Variants in MINDY4 observed in about 807,000 individuals in gnomAD.
The protein encoded by MINDY4 is probable ubiquitin carboxyl-terminal hydrolase MINDY-4.
Under a neutral mutation model 87.0 loss-of-function variants are expected in MINDY4, and 68 were observed. That is an observed-to-expected ratio of 0.78 (90% CI 0.64 to 0.96). MINDY4 has a LOEUF of 0.96. MINDY4 is among the 40% of genes least tolerant of loss of function. MINDY4 has a pLI of 0.00. For missense variants in MINDY4, 919 were observed against 928.2 expected, an observed-to-expected ratio of 0.99 and a Z score of 0.13; for synonymous variants, 379 against 363.2, an observed-to-expected ratio of 1.04 and a Z score of -0.50.
At chr7:30,818,018 A>C (rs1788210201) in intron 5 of MINDY4, among the ~76,000 whole-genome samples, 1 of 152,116 alleles carries the variant, frequency 6.6e-6, no homozygotes. Context: ...GGACATCCTC[A>C]TCTTGTTACT....
At chr7:30,793,357 T>A (rs1163136204) in intron 5 of MINDY4, among the ~76,000 whole-genome samples, 1 of 150,804 alleles carries the variant, frequency 6.6e-6, no homozygotes, top group African/African-American at 2.4e-5. Flanking sequence ...CCTTTAGTAT[T>A]TTTTTTTAGC....
At chr7:30,848,885 G>A (rs1436670209) in intron 9 of MINDY4, among the ~76,000 whole-genome samples, 1 of 152,162 alleles carries the variant, frequency 6.6e-6, no homozygotes, top group Non-Finnish European at 1.5e-5. Context: ...CATGGCCCAA[G>A]TGGGGACTTA....
At chr7:30,834,184 T>C (rs568049778) in intron 6 of MINDY4, among the ~76,000 whole-genome samples, 2 of 152,380 alleles carry the variant, frequency 1.3e-5, no homozygotes, top group East Asian at 1.9e-4. Flanking sequence ...GCAGAGGTTC[T>C]CCATGAGGGC....
In MINDY4 at chr7:30,840,840, CTG is replaced by C. The variant is rs757222997; in HGVS notation, c.1440_1441del (p.Ala481SerfsTer66). ...LLFEGDSKADCAQGLQPSDAH... is the reference protein window; with the variant it reads ...LLFEGDSKADXAQGLQPSDAH... ...TGTTTGAAGGAGATAGCAAAGCCGA[CTG>C]TGCTCAGTAAGTCAGTGCTCTTTCT... On this transcript the variant is annotated frameshift_variant, in exon 9 of 18. Coordinates refer to ENST00000265299, the MANE Select transcript of MINDY4 (RefSeq NM_032222.3). LOFTEE classifies it high-confidence loss of function. 6 of 1,614,018 alleles carry C rather than the reference CTG, an allele frequency of 3.7e-6. No individual in the cohort carries two copies. The highest frequency in any genetic ancestry group is 5.1e-6 in the Non-Finnish European group (6 of 1,179,872).
At chr7:30,785,647 T>G in intron 3 of MINDY4, 102 bp from the exon 4 acceptor site, 1 of 1,370,038 alleles carries the variant, frequency 7.3e-7, no homozygotes, top group East Asian at 2.3e-5. Flanking sequence ...ATAGATTTAT[T>G]AATGGGCTTG....
At chr7:30,826,106 A>G (rs1000075121) in intron 5 of MINDY4, among the ~76,000 whole-genome samples, 2 of 152,210 alleles carry the variant, frequency 1.3e-5, no homozygotes, top group Admixed American at 1.3e-4. Flanking sequence ...AAGGATTCTT[A>G]TAATTACATT....
At chr7:30,832,925 A>G (rs1254786548) in intron 6 of MINDY4, among the ~76,000 whole-genome samples, 1 of 152,068 alleles carries the variant, frequency 6.6e-6, no homozygotes, top group South Asian at 2.1e-4. Flanking sequence ...CCCATAAGCA[A>G]CCATTCTCTT....
At chr7:30,796,729 T>G (rs1288919210) in intron 5 of MINDY4, 4 of 152,100 alleles carry the variant, frequency 2.6e-5, no homozygotes, top group African/African-American at 9.7e-5. Flanking sequence ...TCCCTTGTAG[T>G]TAATGTTTAA....
At chr7:30,838,252 GA>G (rs1584296875) in intron 7 of MINDY4, among the ~76,000 whole-genome samples, 1 of 152,162 alleles carries the variant, frequency 6.6e-6, no homozygotes, top group East Asian at 1.9e-4. Context: ...GGGTTGATGG[GA>G]AATGAACAGT....
At chr7:30,879,951 C>T (rs112258321) in intron 15 of MINDY4, among the ~76,000 whole-genome samples, 2,004 of 152,142 alleles carry the variant, frequency 0.013, 47 homozygotes, top group African/African-American at 0.046. Context: ...AAAATAATGG[C>T]GAATCTGAGG....
chr7:30,807,498 T>C (rs1401958006), intron 5 of MINDY4, among the ~76,000 whole-genome samples: 1 of 152,074 alleles, frequency 6.6e-6, no homozygotes, highest in African/African-American at 2.4e-5. Flanking sequence ...GTATCCATTT[T>C]AGATTTAAAA....
intron 3 of MINDY4, among the ~76,000 whole-genome samples, chr7:30,784,465 G>T (rs539541723): frequency 7.9e-5 from 12 of 152,246 alleles, no homozygotes; most frequent in African/African-American, 2.6e-4. Context: ...GGTCTCCAGG[G>T]CTCTAGTGAT....
At chr7:30,788,353 T>G (rs930159518) in intron 4 of MINDY4, among the ~76,000 whole-genome samples, 2 of 152,262 alleles carry the variant, frequency 1.3e-5, no homozygotes, top group African/African-American at 4.8e-5. Context: ...TGTCTTGCAC[T>G]TTGAAGTTTT....
intron 15 of MINDY4, among the ~76,000 whole-genome samples, chr7:30,878,211 G>A (rs1340075201): frequency 2.0e-5 from 3 of 152,126 alleles, no homozygotes; most frequent in South Asian, 2.1e-4. Flanking sequence ...CATGACGTCC[G>A]CAGCGTTCAC....
chr7:30,842,048 C>T (rs1469450226), intron 9 of MINDY4, among the ~76,000 whole-genome samples: 1 of 152,192 alleles, frequency 6.6e-6, no homozygotes, highest in African/African-American at 2.4e-5. Context: ...TTCACCAGCA[C>T]GGATGATTTT....
At chr7:30,869,457 C>T (rs567436806) in intron 13 of MINDY4, among the ~76,000 whole-genome samples, 5 of 152,298 alleles carry the variant, frequency 3.3e-5, no homozygotes, top group Middle Eastern at 6.8e-3. Context: ...GCCATAATGA[C>T]AGACATTCGT....
At chr7:30,842,774 C>T (rs543079210) in intron 9 of MINDY4, among the ~76,000 whole-genome samples, 2 of 152,106 alleles carry the variant, frequency 1.3e-5, no homozygotes, top group Non-Finnish European at 2.9e-5. Context: ...CCCTGATTCC[C>T]CTTCATATGC....
At chr7:30,839,769 A>G (rs1737163881) in intron 8 of MINDY4, among the ~76,000 whole-genome samples, 1 of 152,134 alleles carries the variant, frequency 6.6e-6, no homozygotes, top group South Asian at 2.1e-4. Context: ...GCTGCATGAA[A>G]AGGCAGAGGG....
chr7:30,884,782 G>A (rs888567158), intron 17 of MINDY4, among the ~76,000 whole-genome samples: 2 of 152,200 alleles, frequency 1.3e-5, no homozygotes, highest in African/African-American at 4.8e-5. Flanking sequence ...TGGACTTCTT[G>A]GGCTCAGCTC....
Sources: gnomAD v4.1 joint callset for allele counts (sites outside exome capture counted in the v4.1 genomes callset) on GRCh38, gnomAD v4.1.1 for gene constraint, MANE v1.5 for transcripts, NCBI Gene and HGNC (gene_info 2026-07-23, HGNC 2026-07-21) for gene names.